Variants in USP40 observed in about 807,000 individuals in gnomAD.
USP40 encodes the protein ubiquitin specific peptidase 40, also known as ubiquitin carboxyl-terminal hydrolase 40.
In USP40, 143 loss-of-function variants were observed where a neutral mutation model predicts 166.2. That is an observed-to-expected ratio of 0.86 (90% confidence interval 0.75 to 0.99). The LOEUF is 0.99. USP40 is among the 50% of genes least tolerant of loss of function. USP40 has a pLI of 0.00. For missense variants in USP40, 1,444 were observed against 1,479.7 expected (o/e 0.98, Z 0.40); for synonymous variants, 498 against 524.0 (o/e 0.95, Z 0.68).
intron 30 of USP40, among the ~76,000 whole-genome samples, chr2:233,482,118 T>A (rs1270363509): frequency 6.6e-6 from 1 of 152,250 alleles, no homozygotes; most frequent in African/African-American, 2.4e-5. Flanking sequence ...GCCCCGCCTC[T>A]GCTAGGAACA....
chr2:233,542,769 T>A (rs1416056524), intron 8 of USP40, among the ~76,000 whole-genome samples: 1 of 152,190 alleles, frequency 6.6e-6, no homozygotes, highest in Non-Finnish European at 1.5e-5. Flanking sequence ...TGGCTTTGAA[T>A]TCCAGCTCCT....
chr2:233,500,468 A>C (rs1320891306), intron 21 of USP40, among the ~76,000 whole-genome samples: 1 of 152,232 alleles, frequency 6.6e-6, no homozygotes, highest in African/African-American at 2.4e-5. Context: ...TAGTAATTAA[A>C]ACAATTTCTT....
At chr2:233,560,865 G>C in intron 3 of USP40, 1 of 579,378 alleles carries the variant, frequency 1.7e-6, no homozygotes, top group Non-Finnish European at 3.1e-6. Flanking sequence ...TAGACTTCTG[G>C]GGGAAGCTAA....
chr2:233,531,045 G>A (rs1053207244), intron 11 of USP40, among the ~76,000 whole-genome samples: 9 of 151,862 alleles, frequency 5.9e-5, no homozygotes, highest in African/African-American at 9.7e-5. Flanking sequence ...TAAGTGATTT[G>A]TATAACAAAG....
intron 11 of USP40, among the ~76,000 whole-genome samples, chr2:233,530,242 A>G (rs1211759280): frequency 6.6e-6 from 1 of 151,616 alleles, no homozygotes; most frequent in African/African-American, 2.4e-5. Context: ...GCACACACAC[A>G]AACACACACA....
At chr2:233,488,116 A>G (rs1022395785) in intron 28 of USP40, 123 bp downstream of exon 28, 1 of 808,410 alleles carries the variant, frequency 1.2e-6, no homozygotes, top group African/African-American at 1.7e-5. Context: ...ACTCTGTTTC[A>G]AGTTGCTAGG....
chr2:233,544,795 A>G (rs2069753538), intron 8 of USP40, among the ~76,000 whole-genome samples: 1 of 152,170 alleles, frequency 6.6e-6, no homozygotes, highest in Non-Finnish European at 1.5e-5. Context: ...TCCACCTTAC[A>G]ATAAAGGACA....
At chr2:233,519,515 G>A in intron 18 of USP40, 99 bp downstream of exon 18, 1 of 717,504 alleles carries the variant, frequency 1.4e-6, no homozygotes, top group Non-Finnish European at 2.3e-6. Context: ...AGGTATGTGA[G>A]TTCTCCCTAA....
At chr2:233,490,350 T>C (rs1328312621) in intron 26 of USP40, among the ~76,000 whole-genome samples, 2 of 151,656 alleles carry the variant, frequency 1.3e-5, no homozygotes, top group African/African-American at 4.8e-5. Flanking sequence ...TTTTGTACTT[T>C]TAGCAGAGAC....
At chr2:233,489,310 C>T (rs1390653311) in intron 27 of USP40, 55 bp downstream of exon 27, 23 of 1,476,914 alleles carry the variant, frequency 1.6e-5, no homozygotes, top group Non-Finnish European at 3.7e-6. Context: ...TCCCTCACAC[C>T]AGCCAGTGCG....
chr2:233,529,162 C>T (rs1160751887), intron 12 of USP40, among the ~76,000 whole-genome samples: 1 of 152,206 alleles, frequency 6.6e-6, no homozygotes, highest in Non-Finnish European at 1.5e-5. Flanking sequence ...CAACTATGTG[C>T]TCACTGATTT....
intron 21 of USP40, among the ~76,000 whole-genome samples, chr2:233,509,376 C>T (rs899280017): frequency 3.3e-5 from 5 of 151,968 alleles, no homozygotes; most frequent in Non-Finnish European, 5.9e-5. Context: ...ATTCATACCA[C>T]TGTGTGTGTA....
intron 24 of USP40, among the ~76,000 whole-genome samples, chr2:233,494,017 G>A (rs1321184931): frequency 6.6e-6 from 1 of 152,106 alleles, no homozygotes; most frequent in Non-Finnish European, 1.5e-5. Flanking sequence ...TACTTATTTA[G>A]CTAGTTCTTC....
At chr2:233,534,537 G>C (rs1222147647) in intron 10 of USP40, among the ~76,000 whole-genome samples, 1 of 152,118 alleles carries the variant, frequency 6.6e-6, no homozygotes, top group African/African-American at 2.4e-5. Flanking sequence ...AAGGTGATTT[G>C]CTAATTTTTC....
chr2:233,540,804 G>T, intron 9 of USP40, 35 bp from the exon 10 acceptor site: 1 of 1,528,652 alleles, frequency 6.5e-7, no homozygotes, highest in Non-Finnish European at 9.1e-7. Context: ...AAGAAAATCT[G>T]ATGAGAAATA....
At chr2:233,530,675 C>G (rs577960401) in intron 11 of USP40, among the ~76,000 whole-genome samples, 9 of 152,086 alleles carry the variant, frequency 5.9e-5, no homozygotes, top group Non-Finnish European at 1.3e-4. Context: ...CATCTCATTG[C>G]CATTCTTCTT....
intron 21 of USP40, among the ~76,000 whole-genome samples, chr2:233,507,714 G>A (rs1337895751): frequency 1.3e-5 from 2 of 151,914 alleles, no homozygotes; most frequent in Non-Finnish European, 2.9e-5. Context: ...ATGGGAGAGG[G>A]TGGTCAACAG....
At chr2:233,518,076 T>G (rs545900822) in intron 18 of USP40, among the ~76,000 whole-genome samples, 1 of 151,580 alleles carries the variant, frequency 6.6e-6, no homozygotes, top group South Asian at 2.1e-4. Context: ...TAGGGTGTAG[T>G]GTATACTGCT....
Position 233,486,422 on chromosome 2 carries a change from A to G in USP40, c.3198-445T>C, listed in dbSNP as rs1192154692. Among the ~76,000 whole-genome samples, 1 of 152,128 alleles carries G rather than the reference A, an allele frequency of 6.6e-6. No individual in the cohort carries two copies. The highest frequency in any genetic ancestry group is 1.5e-5 in the Non-Finnish European group (1 of 68,022). The stretch of plus-strand genomic sequence containing the variant: ...TGCCATGAGGTAGCCAGGGAGAAGA[A>G]CCTGAGGGTTGGAATTGGGAAGAGA... On this transcript the variant is annotated intron_variant, in intron 28 of 31. Coordinates refer to ENST00000678225, the MANE Select transcript of USP40 (RefSeq NM_001365479.2). This position sits in a 1 kb window ranked among gnomAD's most constrained non-coding sequence, Gnocchi z 4.0.
Sources: allele counts gnomAD v4.1 joint callset (sites outside exome capture counted in the v4.1 genomes callset), GRCh38; gene constraint gnomAD v4.1.1; non-coding constraint Gnocchi (gnomAD v3.1); transcripts MANE v1.5; gene names NCBI Gene and HGNC (gene_info 2026-07-23, HGNC 2026-07-21).